Variants in CTNNBIP1 observed in about 807,000 individuals in gnomAD.
The protein encoded by CTNNBIP1 is catenin beta interacting protein 1, also known as beta-catenin-interacting protein 1.
CTNNBIP1 carries 7 observed loss-of-function variants against 11.8 expected under a neutral mutation model. The ratio of observed to expected loss-of-function variants is 0.60; its 90% CI spans 0.34 to 1.12. The LOEUF (loss-of-function observed/expected upper bound fraction) is 1.12, where lower values mean the gene tolerates loss of function less well. Ranked by LOEUF, CTNNBIP1 falls within the 50% of genes most tolerant of loss-of-function variation. The probability of loss-of-function intolerance (pLI) is 0.03; values close to 1 mark genes in which losing one functional copy is unlikely to be tolerated. For synonymous variants in CTNNBIP1, 58 were observed against 43.9 expected (o/e 1.32, Z -1.26); for missense variants, 101 against 113.4 (o/e 0.89, Z 0.50).
At chr1:9,895,826 C>T (rs1639398006) in intron 1 of CTNNBIP1, among the ~76,000 whole-genome samples, 1 of 152,146 alleles carries the variant, frequency 6.6e-6, no homozygotes, top group African/African-American at 2.4e-5. Context: ...ATGGGACTTG[C>T]TATGTTGCCC....
At chr1:9,880,642 T>C (rs772730822) in intron 2 of CTNNBIP1, among the ~76,000 whole-genome samples, 17 of 152,236 alleles carry the variant, frequency 1.1e-4, no homozygotes, top group Non-Finnish European at 2.1e-4. Context: ...CCAGCATTTA[T>C]TGTTTCCTGA....
intron 1 of CTNNBIP1, among the ~76,000 whole-genome samples, chr1:9,902,952 A>G (rs1639551162): frequency 6.6e-6 from 1 of 152,012 alleles, no homozygotes; most frequent in Non-Finnish European, 1.5e-5. Flanking sequence ...TTTTTAGTAA[A>G]GACGGGGTTT....
intron 5 of CTNNBIP1, among the ~76,000 whole-genome samples, chr1:9,863,061 C>A (rs1425739460): frequency 3.3e-5 from 5 of 152,126 alleles, no homozygotes; most frequent in African/African-American, 1.2e-4. Flanking sequence ...GGGGTCAAAG[C>A]GACCCTCCCT....
intron 1 of CTNNBIP1, among the ~76,000 whole-genome samples, chr1:9,896,720 G>A (rs1283173178): frequency 6.6e-6 from 1 of 152,060 alleles, no homozygotes; most frequent in Non-Finnish European, 1.5e-5. Context: ...TTTAATCCCA[G>A]CACTTTGAGA....
chr1:9,906,738 T>C (rs1301460346), intron 1 of CTNNBIP1, among the ~76,000 whole-genome samples: 2 of 152,100 alleles, frequency 1.3e-5, no homozygotes, highest in African/African-American at 4.8e-5. Flanking sequence ...TTACACTATA[T>C]TGCACCCTGG....
At chr1:9,902,508 T>C (rs1216603448) in intron 1 of CTNNBIP1, among the ~76,000 whole-genome samples, 15 of 152,174 alleles carry the variant, frequency 9.9e-5, no homozygotes, top group Admixed American at 9.8e-4. Context: ...GTACAGCTTT[T>C]GTTACAGGAC....
At chr1:9,909,544 C>T (rs1481205576) in intron 1 of CTNNBIP1, among the ~76,000 whole-genome samples, 2 of 152,032 alleles carry the variant, frequency 1.3e-5, no homozygotes, top group Non-Finnish European at 2.9e-5. Context: ...GTGAGAGGTG[C>T]AGTTTGGGGC....
chr1:9,888,307 C>T (rs530485888), intron 1 of CTNNBIP1, among the ~76,000 whole-genome samples: 3 of 151,892 alleles, frequency 2.0e-5, no homozygotes, highest in South Asian at 2.1e-4. Context: ...GGTGGCCGGG[C>T]GCGGTGGCTC....
At chr1:9,869,540 G>T (rs1638818056) in intron 5 of CTNNBIP1, among the ~76,000 whole-genome samples, 1 of 152,078 alleles carries the variant, frequency 6.6e-6, no homozygotes, top group Admixed American at 6.6e-5. Context: ...GGTCAGGCTG[G>T]TCTAGAACTC....
rs1638315381 is a variant in CTNNBIP1, at chr1:9,848,779, A to C, written c.*1939T>G. 3.9e-5 allele frequency: 6 copies of C among 152,262 alleles called. No individual in the cohort carries two copies. The highest frequency in any genetic ancestry group is 3.9e-4 in the Admixed American group (6 of 15,288). The allele number at this position is 152,262 out of a possible 1,614,324, so 9.4% of individuals were successfully genotyped here. A position where few individuals can be genotyped will look rare whatever the true frequency, so the allele number is the denominator to read the frequency against. On this transcript the variant is annotated 3_prime_UTR_variant, in exon 6 of 6. Coordinates refer to ENST00000377263, the MANE Select transcript of CTNNBIP1 (RefSeq NM_020248.3). The surrounding 1 kb of genome is among the most constrained non-coding windows in gnomAD (Gnocchi z 4.3). ...GTTCCCCACAGCTGACTGTCAGCTA[A>C]CCAGGGCTAGGGGTGAGTGCATGGT... is the stretch of plus-strand genomic sequence containing the variant.
intron 2 of CTNNBIP1, among the ~76,000 whole-genome samples, chr1:9,879,041 C>T (rs907072099): frequency 4.6e-5 from 7 of 152,008 alleles, no homozygotes; most frequent in Non-Finnish European, 8.8e-5. Flanking sequence ...ACTAAAAATA[C>T]AAAAAATTAG....
At chr1:9,876,845 T>TACATACACAC (rs1363392881) in intron 3 of CTNNBIP1, among the ~76,000 whole-genome samples, 1 of 138,102 alleles carries the variant, frequency 7.2e-6, no homozygotes, top group Non-Finnish European at 1.6e-5. Flanking sequence ...CTGCTATACA[T>TACATACACAC]ACACACACAC....
At chr1:9,882,919 A>T (rs1639113674) in intron 2 of CTNNBIP1, among the ~76,000 whole-genome samples, 1 of 152,204 alleles carries the variant, frequency 6.6e-6, no homozygotes, top group African/African-American at 2.4e-5. Flanking sequence ...GCCAGAATCG[A>T]AACACGGTGA....
Position 9,871,720 on chromosome 1 carries a change from C to A in CTNNBIP1, c.96+249G>T, listed in dbSNP as rs1638864594. The stretch of plus-strand genomic sequence containing the variant: ...GAGGGGGAGAAAAGGAAGGTCAGGG[C>A]CTTGAGACCCTCACCCGCCTGGCCC... On this transcript the variant is annotated intron_variant, in intron 4 of 5. Transcript: ENST00000377263. This position sits in a 1 kb window ranked among gnomAD's most constrained non-coding sequence, Gnocchi z 5.2. Among the ~76,000 whole-genome samples, 1 of 152,170 alleles carries A rather than the reference C, an allele frequency of 6.6e-6. No individual in the cohort carries two copies. The highest frequency in any genetic ancestry group is 6.5e-5 in the Admixed American group (1 of 15,286).
At chr1:9,887,289 A>G (rs1639206992) in intron 1 of CTNNBIP1, among the ~76,000 whole-genome samples, 1 of 152,236 alleles carries the variant, frequency 6.6e-6, no homozygotes, top group Non-Finnish European at 1.5e-5. Context: ...GGCTCAGAGA[A>G]GGTAAGTAAC....
At chr1:9,900,376 G>GGGCGAAT (rs1314222887) in intron 1 of CTNNBIP1, among the ~76,000 whole-genome samples, 8 of 152,290 alleles carry the variant, frequency 5.3e-5, no homozygotes, top group Middle Eastern at 3.4e-3. Context: ...ACTCCAGCCT[G>GGGCGAAT]GGCGAATGAT....
intron 3 of CTNNBIP1, among the ~76,000 whole-genome samples, chr1:9,877,514 C>T (rs894538087): frequency 6.6e-6 from 1 of 152,214 alleles, no homozygotes; most frequent in Non-Finnish European, 1.5e-5. Context: ...CATGAGCTGC[C>T]TCCAGCCCCT....
rs1638391214 is a variant in CTNNBIP1, at chr1:9,851,707, G to A, written c.188-931C>T. Among the ~76,000 whole-genome samples, 1 of 152,166 alleles carries A rather than the reference G, an allele frequency of 6.6e-6. No individual in the cohort carries two copies. Among genetic ancestry groups the A allele is most frequent in the South Asian group, 2.1e-4 (1 of 4,834 alleles). Reference sequence around the variant, plus strand: ...TTCTTAATCCTGAATTTGAGATTCTGGCCCAGGCACTTGTGAAATCACGTC... The same window carrying A: ...TTCTTAATCCTGAATTTGAGATTCTAGCCCAGGCACTTGTGAAATCACGTC... On this transcript the variant is annotated intron_variant, in intron 5 of 5. Transcript: ENST00000377263. This position sits in a 1 kb window ranked among gnomAD's most constrained non-coding sequence, Gnocchi z 4.8.
In CTNNBIP1 at chr1:9,867,281, G is replaced by A. The variant is rs1434477374; in HGVS notation, c.187+3906C>T. Among the ~76,000 whole-genome samples, 2 of 150,286 alleles carry A rather than the reference G, an allele frequency of 1.3e-5. No individual in the cohort carries two copies. The highest frequency in any genetic ancestry group is 5.0e-5 in the African/African-American group (2 of 39,642). The stretch of plus-strand genomic sequence containing the variant: ...GAACTGGGGGGCCACTGGGGCCTCT[G>A]CTGGAACCACCTGGTGAGCCCGTAA... On this transcript the variant is annotated intron_variant, in intron 5 of 5. Transcript: ENST00000377263. This position sits in a 1 kb window ranked among gnomAD's most constrained non-coding sequence, Gnocchi z 4.6.
Sources: gnomAD v4.1 joint callset for allele counts (sites outside exome capture counted in the v4.1 genomes callset) on GRCh38, gnomAD v4.1.1 for gene constraint, Gnocchi (gnomAD v3.1) non-coding constraint, MANE v1.5 for transcripts, NCBI Gene and HGNC (gene_info 2026-07-23, HGNC 2026-07-21) for gene names.